The following TLK1 variants were observed in gnomAD, a reference collection of about 807,000 sequenced individuals.
TLK1 encodes serine/threonine-protein kinase tousled-like 1.
In TLK1, 24 loss-of-function variants were observed where a neutral mutation model predicts 105.3. The observed-to-expected ratio is 0.23, with a 90% CI of 0.17 to 0.32. TLK1 has a LOEUF of 0.32. Among genes scored for constraint, TLK1 ranks in the 10% least tolerant of loss-of-function variants. The pLI is 1.00. For synonymous variants in TLK1, 321 were observed against 310.4 expected (o/e 1.03, Z -0.36); for missense variants, 558 against 910.5 (o/e 0.61, Z 4.98).
At chr2:171,165,188 G>A (rs1269207771), upstream of TLK1, among the ~76,000 whole-genome samples, 1 of 152,216 alleles carries the variant, frequency 6.6e-6, no homozygotes, top group Non-Finnish European at 1.5e-5. Context: ...AACTGAGCAA[G>A]TAAAAGGTAG....
chr2:171,071,723 T>C (rs979109511), intron 3 of TLK1, among the ~76,000 whole-genome samples: 3 of 152,228 alleles, frequency 2.0e-5, no homozygotes, highest in Admixed American at 2.0e-4. Context: ...TTTTTAGATT[T>C]CAGTCTTTAA....
chr2:171,042,168 A>G (rs76585616), intron 11 of TLK1, among the ~76,000 whole-genome samples: 5,964 of 152,326 alleles, frequency 0.039, 447 homozygotes, highest in East Asian at 0.3. Context: ...ATCTTGGAAG[A>G]CAACTAGTAA....
intron 12 of TLK1, among the ~76,000 whole-genome samples, chr2:171,020,244 T>C (rs1388290572): frequency 6.6e-6 from 1 of 151,402 alleles, no homozygotes; most frequent in Non-Finnish European, 1.5e-5. Flanking sequence ...AAAGGCACTA[T>C]TAAAATCTAA....
intron 3 of TLK1, among the ~76,000 whole-genome samples, chr2:171,073,753 C>T (rs1342199681): frequency 6.6e-6 from 1 of 151,588 alleles, no homozygotes; most frequent in African/African-American, 2.4e-5. Flanking sequence ...GAATTAAATA[C>T]TGTTTTCTCT....
intron 2 of TLK1, among the ~76,000 whole-genome samples, chr2:171,100,461 C>G (rs1332198005): frequency 6.6e-6 from 1 of 152,142 alleles, no homozygotes; most frequent in Non-Finnish European, 1.5e-5. Flanking sequence ...TCCCCAGTCC[C>G]TCTTCACACA....
chr2:171,074,514 G>A (rs1688408317), intron 3 of TLK1, among the ~76,000 whole-genome samples: 1 of 151,850 alleles, frequency 6.6e-6, no homozygotes. Flanking sequence ...TACAATCCCA[G>A]CTACTTGGGA....
At chr2:171,036,224 T>C (rs1686326562) in intron 11 of TLK1, among the ~76,000 whole-genome samples, 1 of 152,140 alleles carries the variant, frequency 6.6e-6, no homozygotes, top group African/African-American at 2.4e-5. Context: ...GCGGGTGAAC[T>C]GCTTGAGGTC....
At chr2:171,139,454 T>G (rs1691477635) in intron 1 of TLK1, among the ~76,000 whole-genome samples, 1 of 151,810 alleles carries the variant, frequency 6.6e-6, no homozygotes, top group South Asian at 2.1e-4. Flanking sequence ...AAAAATTAGC[T>G]GGGCATGGTG....
chr2:171,067,470 G>C (rs1688055654), intron 3 of TLK1, among the ~76,000 whole-genome samples: 1 of 151,920 alleles, frequency 6.6e-6, no homozygotes, highest in Admixed American at 6.6e-5. Context: ...CACACACTTA[G>C]ATTTTTAAAG....
chr2:171,094,744 G>A (rs755844688), intron 2 of TLK1, among the ~76,000 whole-genome samples: 13 of 152,092 alleles, frequency 8.5e-5, no homozygotes, highest in Non-Finnish European at 1.8e-4. Flanking sequence ...GAGTAGCTGC[G>A]ATTACAGGCA....
chr2:171,185,048 C>T (rs183423061), intron 1 of TLK1, among the ~76,000 whole-genome samples: 197 of 152,248 alleles, frequency 1.3e-3, no homozygotes, highest in Admixed American at 4.8e-3. Flanking sequence ...ACCATGTTAG[C>T]CAGGATGGTC....
chr2:171,213,873 C>T (rs1442476781), intron 1 of TLK1, among the ~76,000 whole-genome samples: 2 of 148,414 alleles, frequency 1.3e-5, no homozygotes, highest in East Asian at 4.2e-4. Flanking sequence ...CAGGCACATG[C>T]CACCATGCCC....
intron 2 of TLK1, among the ~76,000 whole-genome samples, chr2:171,090,671 A>G (rs1689189673): frequency 6.6e-6 from 1 of 152,240 alleles, no homozygotes; most frequent in Non-Finnish European, 1.5e-5. Flanking sequence ...TTTGGAGACT[A>G]AAGCTGGTAA....
chr2:171,105,370 T>C (rs964158357), intron 2 of TLK1, among the ~76,000 whole-genome samples: 19 of 152,144 alleles, frequency 1.2e-4, no homozygotes, highest in African/African-American at 4.3e-4. Flanking sequence ...ACAAAAACCA[T>C]ACAAATTTTA....
chr2:171,194,620 A>G (rs112278653), intron 1 of TLK1, among the ~76,000 whole-genome samples: 1 of 151,818 alleles, frequency 6.6e-6, no homozygotes, highest in South Asian at 2.1e-4. Flanking sequence ...GATCGAGACC[A>G]TCCTGGCTAA....
intron 1 of TLK1, among the ~76,000 whole-genome samples, chr2:171,176,259 A>G (rs374403530): frequency 1.3e-5 from 2 of 152,276 alleles, no homozygotes; most frequent in East Asian, 1.9e-4. Flanking sequence ...AGGGTTTTAA[A>G]GCAGTCCAGG....
In TLK1 at chr2:170,998,046, TTATCTATC is replaced by T. The variant is rs869267964; in HGVS notation, c.1905-231_1905-224del. Among the ~76,000 whole-genome samples the T allele has an allele frequency of 7.3e-3, 1,080 of 147,640 alleles. 12 individuals carry two copies. The highest frequency in any genetic ancestry group is 0.02 in the African/African-American group (802 of 39,928). ...TGATAAAGTTCATCTCTATCTATCT[TTATCTATC>T]TATCTATCTATCTATCTATCTATCT... On this transcript the variant is annotated intron_variant, in intron 18 of 20. Transcript: ENST00000431350.
At chr2:171,123,084 AC>A (rs947510533) in intron 1 of TLK1, among the ~76,000 whole-genome samples, 15 of 151,712 alleles carry the variant, frequency 9.9e-5, no homozygotes. Flanking sequence ...ACACACACAC[AC>A]ACTTCTTTTT....
At chr2:171,148,900 T>A (rs1170358396) in intron 1 of TLK1, among the ~76,000 whole-genome samples, 10 of 138,908 alleles carry the variant, frequency 7.2e-5, no homozygotes, top group African/African-American at 2.2e-4. Context: ...AATATATATA[T>A]ATATATATAT....
Sources: allele counts gnomAD v4.1 joint callset (sites outside exome capture counted in the v4.1 genomes callset), GRCh38; gene constraint gnomAD v4.1.1; transcripts MANE v1.5; gene names NCBI Gene and HGNC (gene_info 2026-07-23, HGNC 2026-07-21).